Variants in C2CD5 observed in about 807,000 individuals in gnomAD.
C2CD5 encodes C2 domain-containing protein 5.
C2CD5 carries 109 observed loss-of-function variants against 130.3 expected under a neutral mutation model. That is an observed-to-expected ratio of 0.84 (90% CI 0.72 to 0.98). The LOEUF is 0.98. Among genes scored for constraint, C2CD5 ranks in the 50% least tolerant of loss-of-function variants. The pLI is 0.00. For synonymous variants in C2CD5, 454 were observed against 429.2 expected, an observed-to-expected ratio of 1.06 and a Z score of -0.71; for missense variants, 996 against 1,261.8, an observed-to-expected ratio of 0.79 and a Z score of 3.19.
chr12:22,505,833 A>G (rs1948455449), intron 10 of C2CD5, among the ~76,000 whole-genome samples: 1 of 151,512 alleles, frequency 6.6e-6, no homozygotes, highest in African/African-American at 2.4e-5. Context: ...ATAGCTACAT[A>G]AAAGAAACTG....
In C2CD5 at chr12:22,524,407, A is replaced by G. The variant is rs965368894; in HGVS notation, c.601+65T>C. ...ATTGTAAAGTTGAGGTAGCATGTCA[A>G]AGGAAAGCAAAAAATTTAAGAGAGT... On this transcript the variant is annotated intron_variant, in intron 6 of 26. Transcript: ENST00000446597. 8.3e-6 allele frequency: 12 copies of G among 1,437,916 alleles called. No individual in the cohort carries two copies. In the East Asian group the frequency reaches 2.8e-4, roughly 33 times the overall value. 89.1% of individuals were successfully genotyped at this position (1,437,916 alleles called of 1,614,324 possible).
intron 21 of C2CD5, among the ~76,000 whole-genome samples, 151 bp downstream of exon 21, chr12:22,470,671 CCA>C (rs903493458): frequency 4.6e-5 from 7 of 152,086 alleles, no homozygotes; most frequent in African/African-American, 1.2e-4. Flanking sequence ...ATACGCTTAT[CCA>C]CACAGTTATC....
chr12:22,479,328 C>A (rs1258783467), intron 14 of C2CD5, among the ~76,000 whole-genome samples: 2 of 151,970 alleles, frequency 1.3e-5, no homozygotes, highest in African/African-American at 4.8e-5. Flanking sequence ...CCTGCCTTGG[C>A]CTCCTAAAGT....
chr12:22,505,519 G>A (rs1948414960), intron 10 of C2CD5, among the ~76,000 whole-genome samples: 1 of 151,972 alleles, frequency 6.6e-6, no homozygotes, highest in African/African-American at 2.4e-5. Flanking sequence ...GAGGTCACTG[G>A]ATGTGACAAT....
At chr12:22,532,417 A>G (rs1442266204) in intron 3 of C2CD5, among the ~76,000 whole-genome samples, 1 of 152,002 alleles carries the variant, frequency 6.6e-6, no homozygotes, top group Non-Finnish European at 1.5e-5. Context: ...CTTCATAGCC[A>G]CCTCAATACT....
chr12:22,470,988 C>T (rs903795982), intron 20 of C2CD5, 77 bp from the exon 21 acceptor site: 3 of 958,970 alleles, frequency 3.1e-6, no homozygotes, highest in African/African-American at 3.3e-5. Context: ...TTTTTCAGTA[C>T]CACGGAACAA....
At chr12:22,523,367 A>G in intron 7 of C2CD5, 59 bp downstream of exon 7, 1 of 1,368,188 alleles carries the variant, frequency 7.3e-7, no homozygotes, top group Admixed American at 1.9e-5. Flanking sequence ...AATCAAATGA[A>G]AAAGCATAGA....
chr12:22,524,825 G>A (rs916575936), intron 5 of C2CD5, among the ~76,000 whole-genome samples, 198 bp from the exon 6 acceptor site: 1 of 151,946 alleles, frequency 6.6e-6, no homozygotes, highest in African/African-American at 2.4e-5. Flanking sequence ...GTCTTTCATG[G>A]AGGCTCTCAC....
At chr12:22,489,445 A>T (rs1376871438) in intron 12 of C2CD5, among the ~76,000 whole-genome samples, 1 of 152,096 alleles carries the variant, frequency 6.6e-6, no homozygotes. Context: ...AAAAAGCAAA[A>T]CTTGAATTTG....
At chr12:22,487,053 T>C (rs908061794) in intron 12 of C2CD5, among the ~76,000 whole-genome samples, 8 of 152,138 alleles carry the variant, frequency 5.3e-5, no homozygotes, top group South Asian at 2.1e-4. Flanking sequence ...CAAAAATTAA[T>C]TTAAGATGGA....
chr12:22,515,385 A>T (rs10842031), intron 8 of C2CD5, among the ~76,000 whole-genome samples: 92,358 of 152,014 alleles, frequency 0.61, 32,744 homozygotes, highest in Non-Finnish European at 0.8. Context: ...ATTCATTAAA[A>T]TTTTTTAAAT....
At chr12:22,523,684 T>C (rs1246804172) in intron 6 of C2CD5, 60 bp from the exon 7 acceptor site, 15 of 1,208,578 alleles carry the variant, frequency 1.2e-5, no homozygotes, top group Non-Finnish European at 1.6e-5. Context: ...ACTATAAGAC[T>C]GGACATGGTA....
intron 2 of C2CD5, among the ~76,000 whole-genome samples, chr12:22,542,850 AT>A (rs1192345316): frequency 1.3e-5 from 2 of 152,256 alleles, no homozygotes; most frequent in African/African-American, 4.8e-5. Flanking sequence ...AAAACTAAGA[AT>A]TTAAAAGTAC....
intron 2 of C2CD5, among the ~76,000 whole-genome samples, chr12:22,539,992 C>CA (rs59902224): frequency 0.018 from 1,619 of 90,494 alleles, 21 homozygotes; most frequent in African/African-American, 0.036. Context: ...AGCTCCGTCT[C>CA]AAAAAAAAAA....
rs578064664 is a variant in C2CD5 at position 22,544,282 on chromosome 12, G to C, written c.-30+38C>G. The C allele has an allele frequency of 1.1e-4, 78 of 711,504 alleles. No individual in the cohort carries two copies. In the South Asian group the frequency reaches 1.6e-3, roughly 14 times the overall value. 44.1% of individuals were successfully genotyped at this position (711,504 alleles called of 1,614,324 possible). A position where few individuals can be genotyped will look rare whatever the true frequency, so the allele number is the denominator to read the frequency against. On this transcript the variant is annotated intron_variant, in intron 1 of 26. Coordinates refer to ENST00000446597, the MANE Select transcript of C2CD5 (RefSeq NM_001286176.2). ...AGCGAAGGAGCGCGCGGGGGCGCGC[G>C]CGGGCGCCCGGCAGTCGCGCCACGG...
intron 10 of C2CD5, among the ~76,000 whole-genome samples, chr12:22,501,875 C>T (rs913984567): frequency 6.6e-6 from 1 of 152,048 alleles, no homozygotes; most frequent in African/African-American, 2.4e-5. Flanking sequence ...ATCTAAAATT[C>T]TGAGCCCCGT....
At chr12:22,474,599 T>A (rs762064371) in intron 16 of C2CD5, 152 bp downstream of exon 16, 64 of 488,968 alleles carry the variant, frequency 1.3e-4, no homozygotes, top group Non-Finnish European at 1.9e-4. Flanking sequence ...CCAAGTTCTG[T>A]TATTTTCAAG....
intron 5 of C2CD5, 107 bp from the exon 6 acceptor site, chr12:22,524,734 CT>C: frequency 4.5e-6 from 3 of 667,722 alleles, no homozygotes; most frequent in South Asian, 3.9e-5. Context: ...ACAAGAACAT[CT>C]TTTACTGTAA....
At chr12:22,541,306 A>C (rs991365817) in intron 2 of C2CD5, among the ~76,000 whole-genome samples, 1 of 152,162 alleles carries the variant, frequency 6.6e-6, no homozygotes, top group Non-Finnish European at 1.5e-5. Context: ...ATCACCTTGG[A>C]TAACATTACC....
Sources: gnomAD v4.1 joint callset for allele counts (sites outside exome capture counted in the v4.1 genomes callset) on GRCh38, gnomAD v4.1.1 for gene constraint, MANE v1.5 for transcripts, NCBI Gene and HGNC (gene_info 2026-07-23, HGNC 2026-07-21) for gene names.